Variants in LY96 observed in about 807,000 individuals in gnomAD.
LY96 encodes lymphocyte antigen 96.
In LY96, 18 loss-of-function variants were observed where a neutral mutation model predicts 18.9. The observed-to-expected ratio is 0.95, with a 90% CI of 0.66 to 1.41. The LOEUF (loss-of-function observed/expected upper bound fraction) is 1.41. Among genes scored for constraint, LY96 ranks in the 40% most tolerant of loss-of-function variants. The pLI, the probability that LY96 is intolerant of heterozygous loss-of-function variation, is 0.00. For missense variants in LY96, 175 were observed against 182.4 expected (o/e 0.96, Z 0.23); for synonymous variants, 66 against 62.6 (o/e 1.06, Z -0.26).
At chr8:74,088,091 AATAG>A in the LY96 span, among the ~76,000 whole-genome samples, 89 of 121,120 alleles carry the variant, frequency 7.3e-4, no homozygotes, top group African/African-American at 2.7e-3. Flanking sequence ...AGAAGAATAG[AATAG>A]AATAGAATAG....
downstream of LY96, among the ~76,000 whole-genome samples, chr8:74,029,932 G>A (rs1309891704): frequency 6.6e-6 from 1 of 152,194 alleles, no homozygotes; most frequent in Non-Finnish European, 1.5e-5. Context: ...TTACAGGCAT[G>A]AGCCACTGCG....
At chr8:74,098,338 C>T in the LY96 span, among the ~76,000 whole-genome samples, 2 of 151,828 alleles carry the variant, frequency 1.3e-5, no homozygotes, top group Admixed American at 6.5e-5. Context: ...CAGAATTGTC[C>T]GAATTAAAAA....
chr8:74,072,374 T>C, the LY96 span, among the ~76,000 whole-genome samples: 1 of 152,210 alleles, frequency 6.6e-6, no homozygotes, highest in South Asian at 2.1e-4. Context: ...CTGTTTTCTG[T>C]TCTGTGAAAG....
the LY96 span, among the ~76,000 whole-genome samples, chr8:74,076,527 G>A: frequency 3.3e-5 from 5 of 151,982 alleles, no homozygotes; most frequent in East Asian, 1.9e-4. Context: ...GTTTCACCAC[G>A]TTGGCCAGGC....
intron 1 of LY96, among the ~76,000 whole-genome samples, chr8:73,999,645 A>T (rs903699713): frequency 4.6e-5 from 7 of 152,172 alleles, no homozygotes; most frequent in Non-Finnish European, 8.8e-5. Flanking sequence ...TTCATTTATT[A>T]GTTCTAACAA....
chr8:74,076,623 C>A, the LY96 span, among the ~76,000 whole-genome samples: 2 of 151,642 alleles, frequency 1.3e-5, no homozygotes, highest in Admixed American at 6.6e-5. Flanking sequence ...CTGCGCCCAC[C>A]CCGAGATACT....
At chr8:74,065,692 A>G in the LY96 span, among the ~76,000 whole-genome samples, 3 of 152,204 alleles carry the variant, frequency 2.0e-5, no homozygotes, top group Non-Finnish European at 2.9e-5. Context: ...TTACTTATCC[A>G]TTAGGACAAC....
At chr8:74,096,884 G>T in the LY96 span, among the ~76,000 whole-genome samples, 1 of 152,164 alleles carries the variant, frequency 6.6e-6, no homozygotes, top group Non-Finnish European at 1.5e-5. Flanking sequence ...TAAAGTGTTT[G>T]TTGGGGAGCA....
At chr8:74,047,100 C>A in the LY96 span, among the ~76,000 whole-genome samples, 2 of 152,096 alleles carry the variant, frequency 1.3e-5, no homozygotes, top group Admixed American at 6.6e-5. Flanking sequence ...CGGGGTTTCA[C>A]CATGTTGGCC....
the LY96 span, among the ~76,000 whole-genome samples, chr8:74,079,159 A>G: frequency 6.6e-6 from 1 of 152,162 alleles, no homozygotes; most frequent in African/African-American, 2.4e-5. Flanking sequence ...GGAAAGGTGA[A>G]TTTGCTCTCT....
In LY96 at chr8:74,005,786, C is replaced by T. The variant is rs569734662; in HGVS notation, c.202+901C>T. Among the ~76,000 whole-genome samples the T allele has an allele frequency of 3.9e-5, 6 of 152,172 alleles. No homozygotes were observed. In the South Asian group the frequency reaches 1.0e-3, roughly 26 times the overall value. On this transcript the variant is annotated intron_variant, in intron 2 of 4. Coordinates refer to ENST00000284818, the MANE Select transcript of LY96 (RefSeq NM_015364.5). ...GACACAAAACTTTTTCCTCTCCTAC[C>T]AGTTACCAAACATTGTTTATTGCCT...
At chr8:74,057,575 A>C in the LY96 span, among the ~76,000 whole-genome samples, 15 of 152,158 alleles carry the variant, frequency 9.9e-5, no homozygotes, top group Non-Finnish European at 2.1e-4. Flanking sequence ...CATGTAGGTG[A>C]CTCACATTTC....
the LY96 span, among the ~76,000 whole-genome samples, chr8:74,088,789 T>C: frequency 6.6e-6 from 1 of 152,310 alleles, no homozygotes; most frequent in East Asian, 1.9e-4. Flanking sequence ...TTTCACAGTG[T>C]TGGCCAGGCT....
chr8:73,993,708 G>T (rs1816059887), intron 1 of LY96, among the ~76,000 whole-genome samples: 1 of 152,192 alleles, frequency 6.6e-6, no homozygotes, highest in African/African-American at 2.4e-5. Context: ...CTCCCAAAGT[G>T]TTGGGATTAC....
At chr8:74,020,797 C>T (rs1816742751) in intron 3 of LY96, among the ~76,000 whole-genome samples, 1 of 152,090 alleles carries the variant, frequency 6.6e-6, no homozygotes, top group African/African-American at 2.4e-5. Context: ...TTTGACAAAC[C>T]TGACAAAAAC....
chr8:74,065,388 C>T, the LY96 span, among the ~76,000 whole-genome samples: 3 of 152,166 alleles, frequency 2.0e-5, no homozygotes, highest in Admixed American at 6.5e-5. Flanking sequence ...CAACAGGCTT[C>T]AGCTATATTT....
chr8:74,094,596 G>A, the LY96 span, among the ~76,000 whole-genome samples: 2 of 152,174 alleles, frequency 1.3e-5, no homozygotes, highest in Admixed American at 6.6e-5. Flanking sequence ...CTGAAATGAT[G>A]AGGTTTGATT....
At chr8:74,077,432 T>G in the LY96 span, among the ~76,000 whole-genome samples, 1 of 152,158 alleles carries the variant, frequency 6.6e-6, no homozygotes, top group Non-Finnish European at 1.5e-5. Context: ...GGAATCATGG[T>G]TATGTAAGAT....
At chr8:74,071,478 T>TA in the LY96 span, among the ~76,000 whole-genome samples, 12,594 of 151,320 alleles carry the variant, frequency 0.083, 888 homozygotes, top group African/African-American at 0.2. Flanking sequence ...CCTTTTGTAA[T>TA]AAAAAAAAAT....
Sources: allele counts gnomAD v4.1 joint callset (sites outside exome capture counted in the v4.1 genomes callset), GRCh38; gene constraint gnomAD v4.1.1; transcripts MANE v1.5; gene names NCBI Gene and HGNC (gene_info 2026-07-23, HGNC 2026-07-21).